The following ZSWIM6 variants were observed in gnomAD, a reference collection of about 807,000 sequenced individuals.
The protein encoded by ZSWIM6 is zinc finger SWIM-type containing 6.
ZSWIM6 carries 9 observed loss-of-function variants against 113.2 expected under a neutral mutation model. The ratio of observed to expected loss-of-function variants is 0.08; its 90% confidence interval spans 0.05 to 0.14. ZSWIM6 has a LOEUF of 0.14. ZSWIM6 is among the 10% of genes least tolerant of loss of function. The probability of loss-of-function intolerance (pLI) is 1.00; values close to 1 mark genes in which losing one functional copy is unlikely to be tolerated. For synonymous variants in ZSWIM6, 611 were observed against 606.5 expected (o/e 1.01, Z -0.11); for missense variants, 1,162 against 1,552.2 (o/e 0.75, Z 4.22).
At chr5:61,375,584 T>TA in intron 1 of ZSWIM6, 1 of 1,533,280 alleles carries the variant, frequency 6.5e-7, no homozygotes, top group African/African-American at 1.4e-5. Context: ...AAGGATAGTT[T>TA]AAAAAAGAAA....
chr5:61,453,714 CT>C (rs549126032), intron 1 of ZSWIM6, among the ~76,000 whole-genome samples: 145 of 144,722 alleles, frequency 1.0e-3, no homozygotes, highest in Admixed American at 1.3e-3. Flanking sequence ...ATAACCATGC[CT>C]TTTTTTTTTT....
chr5:61,468,346 TTGAC>T (rs775953550), intron 1 of ZSWIM6, among the ~76,000 whole-genome samples: 2 of 152,230 alleles, frequency 1.3e-5, no homozygotes, highest in African/African-American at 2.4e-5. Context: ...ATAAAACAGT[TTGAC>T]TGCTCTGTGA....
chr5:61,368,775 G>C, intron 1 of ZSWIM6, among the ~76,000 whole-genome samples: 1 of 152,190 alleles, frequency 6.6e-6, no homozygotes. Context: ...AAGCAAGTCA[G>C]TCAGCTCTCT....
chr5:61,400,915 C>G (rs1745928980), intron 1 of ZSWIM6, among the ~76,000 whole-genome samples: 1 of 152,148 alleles, frequency 6.6e-6, no homozygotes. Flanking sequence ...TTCCAGGCTC[C>G]TATTGACAAT....
Position 61,525,895 on chromosome 5 carries a change from A to T in ZSWIM6, c.1609A>T (p.Ser537Cys). 6.4e-7 allele frequency: 1 copy of T among 1,552,014 alleles called. No homozygotes were observed. The highest frequency in any genetic ancestry group is 2.4e-5 in the East Asian group (1 of 40,944). The change falls in exon 6 of 14, where the codon AGT becomes TGT. Residue 537 changes from serine (S) to cysteine (C), a missense_variant. By Grantham distance (112) the Ser-to-Cys change is moderately radical. Around this residue, in one of 4 missense-constraint regions of ZSWIM6, gnomAD observed 620 missense variants for 804.6 expected, o/e 0.77. Transcript: ENST00000252744. Reference sequence around the variant, plus strand: ...TAGCCACTTGCAGCACATTATCAGCAGTGACCTATACACCAACTACTGTTA... The same window carrying T: ...TAGCCACTTGCAGCACATTATCAGCTGTGACCTATACACCAACTACTGTTA... ...QDSHLQHIIS[S>C]DLYTNYCYHD...
rs1412746747 is a variant in ZSWIM6, at chr5:61,340,592, A to G, written c.676+7644A>G. 2.0e-5 allele frequency among the ~76,000 whole-genome samples: 3 copies of G among 152,232 alleles called. 1 individual carries two copies. Among genetic ancestry groups the G allele is most frequent in the Admixed American group, 2.0e-4 (3 of 15,282 alleles). ...TTTCAGAGATAAAAAGATAACTTCAATTTCAGTTTTTCCCATTTTCCTGGT... is the reference window on the plus strand; with the variant it reads ...TTTCAGAGATAAAAAGATAACTTCAGTTTCAGTTTTTCCCATTTTCCTGGT... On this transcript the variant is annotated intron_variant, in intron 1 of 13. Transcript: ENST00000252744.
At chr5:61,505,247 TC>T in intron 4 of ZSWIM6, among the ~76,000 whole-genome samples, 2 of 152,324 alleles carry the variant, frequency 1.3e-5, no homozygotes, top group East Asian at 3.9e-4. Context: ...TCACATTCCT[TC>T]AGCTATTGAC....
intron 1 of ZSWIM6, among the ~76,000 whole-genome samples, chr5:61,417,658 G>T (rs1369380789): frequency 6.6e-6 from 1 of 152,190 alleles, no homozygotes; most frequent in Non-Finnish European, 1.5e-5. Context: ...TAGCTAATCG[G>T]ATCCTTACCA....
intron 1 of ZSWIM6, among the ~76,000 whole-genome samples, chr5:61,432,219 C>T (rs1036571547): frequency 5.9e-5 from 9 of 152,300 alleles, no homozygotes; most frequent in South Asian, 2.1e-4. Context: ...AATTAAACTT[C>T]GGCTTGTGCT....
At chr5:61,496,049 T>C (rs1294810401) in intron 4 of ZSWIM6, among the ~76,000 whole-genome samples, 1 of 152,160 alleles carries the variant, frequency 6.6e-6, no homozygotes, top group Non-Finnish European at 1.5e-5. Context: ...CATGGTCAAA[T>C]GTCACTTTTC....
rs1349051713 is a variant in ZSWIM6, at chr5:61,543,435, C to T, written c.2786-20C>T. On this transcript the variant is annotated intron_variant, in intron 13 of 13. Transcript: ENST00000252744. This position sits in a 1 kb window ranked among gnomAD's most constrained non-coding sequence, Gnocchi z 4.3. ...GGCAGCCTCCTCGTCAGTAATAGAG[C>T]CTGTTTGTGTTCCTTGCAGGGGTTT... 4.5e-6 allele frequency: 7 copies of T among 1,538,520 alleles called. No homozygotes were observed. The highest frequency in any genetic ancestry group is 1.7e-4 in the Middle Eastern group (1 of 5,864).
At chr5:61,345,678 T>C (rs189216394) in intron 1 of ZSWIM6, among the ~76,000 whole-genome samples, 1 of 152,330 alleles carries the variant, frequency 6.6e-6, no homozygotes, top group Non-Finnish European at 1.5e-5. Context: ...AGTGGTGTAA[T>C]GTTCTTAAAT....
At chr5:61,528,434 A>G (rs1287046445) in intron 7 of ZSWIM6, among the ~76,000 whole-genome samples, 6 of 151,986 alleles carry the variant, frequency 3.9e-5, no homozygotes, top group Non-Finnish European at 5.9e-5. Context: ...ATATGCAAAC[A>G]TATTTATTTG....
intron 1 of ZSWIM6, among the ~76,000 whole-genome samples, chr5:61,429,005 A>G (rs950985968): frequency 2.6e-5 from 4 of 152,214 alleles, no homozygotes; most frequent in Non-Finnish European, 5.9e-5. Context: ...CAGATTCTCA[A>G]TGATTTAGAG....
intron 1 of ZSWIM6, among the ~76,000 whole-genome samples, chr5:61,383,497 A>G (rs370955194): frequency 6.6e-6 from 1 of 152,110 alleles, no homozygotes; most frequent in East Asian, 1.9e-4. Flanking sequence ...ATTTGTTAAT[A>G]TTTCTTATTC....
intron 1 of ZSWIM6, among the ~76,000 whole-genome samples, chr5:61,336,632 GTAATCTCAGC>G (rs762960424): frequency 1.3e-5 from 2 of 152,066 alleles, no homozygotes; most frequent in Non-Finnish European, 2.9e-5. Flanking sequence ...GCACATGCCT[GTAATCTCAGC>G]TACTTGGGAA....
chr5:61,541,971 T>C lies in ZSWIM6; in HGVS notation c.2785+6T>C, dbSNP rs911486482. 1.2e-5 allele frequency: 19 copies of C among 1,549,660 alleles called. No homozygotes were observed. The highest frequency in any genetic ancestry group is 1.7e-5 in the Non-Finnish European group (19 of 1,145,230). On this transcript the variant is annotated splice_donor_region_variant and intron_variant, in intron 13 of 13. Coordinates refer to ENST00000252744, the MANE Select transcript of ZSWIM6 (RefSeq NM_020928.2). ...AACGTGTGCTACTGAAGTCGGTAGGTAAACTCTGGAACAGAAGCTTTCCTA... is the reference window on the plus strand; with the variant it reads ...AACGTGTGCTACTGAAGTCGGTAGGCAAACTCTGGAACAGAAGCTTTCCTA...
Position 61,484,467 on chromosome 5 carries a change from C to T in ZSWIM6, c.1034-6319C>T, listed in dbSNP as rs548892663. Among the ~76,000 whole-genome samples the T allele has an allele frequency of 1.1e-4, 16 of 152,244 alleles. No individual in the cohort carries two copies. In the South Asian group the frequency reaches 3.3e-3, roughly 32 times the overall value. On this transcript the variant is annotated intron_variant, in intron 2 of 13. Transcript: ENST00000252744. ...GTGAAGAGGATAAGGAGGGATATGT[C>T]AGATTTCAAAGGAGGACGTTGGGAA...
In ZSWIM6 at chr5:61,332,361, G is replaced by T; in HGVS notation, c.89G>T (p.Gly30Val). ...GGGGGGGSSG[G>V]GGGAGGGYSS... Reference sequence around the variant, plus strand: ...GGCGGCGGCGGGGGCAGCAGCGGCGGCGGCGGCGGCGCGGGTGGCGGCTAC... The same window carrying T: ...GGCGGCGGCGGGGGCAGCAGCGGCGTCGGCGGCGGCGCGGGTGGCGGCTAC... Residue 30 changes from glycine to valine, a missense_variant, in exon 1 of 14, where the codon GGC (glycine) becomes GTC (valine). By Grantham distance (109) the Gly-to-Val change is moderately radical (BLOSUM62 -3). This residue lies in a region of ZSWIM6 where 333 missense variants were observed against 293.4 expected (regional missense o/e 1.13). Transcript: ENST00000252744. The T allele has an allele frequency of 1.0e-6, 1 of 983,144 alleles. No homozygotes were observed. The highest frequency in any genetic ancestry group is 1.2e-6 in the Non-Finnish European group (1 of 819,106). 60.9% of individuals were successfully genotyped at this position (983,144 alleles called of 1,614,324 possible).
Sources: allele counts gnomAD v4.1 joint callset (sites outside exome capture counted in the v4.1 genomes callset), GRCh38; gene constraint gnomAD v4.1.1; regional missense constraint gnomAD v4.1.1; non-coding constraint Gnocchi (gnomAD v3.1); transcripts MANE v1.5; gene names NCBI Gene and HGNC (gene_info 2026-07-23, HGNC 2026-07-21).